Variants in NEGR1 observed in about 807,000 individuals in gnomAD.
The protein encoded by NEGR1 is neuronal growth regulator 1, also known as IgLON family member 4.
In NEGR1, 10 loss-of-function variants were observed where a neutral mutation model predicts 40.9. The observed-to-expected ratio is 0.24, with a 90% CI of 0.15 to 0.42. NEGR1 has a LOEUF of 0.42. Among genes scored for constraint, NEGR1 ranks in the 10% least tolerant of loss-of-function variants. NEGR1 has a pLI of 1.00. For missense variants in NEGR1, 352 were observed against 438.9 expected (o/e 0.80, Z 1.77); for synonymous variants, 185 against 166.8 (o/e 1.11, Z -0.84).
intron 1 of NEGR1, among the ~76,000 whole-genome samples, chr1:72,037,039 T>C (rs1194777864): frequency 6.6e-6 from 1 of 152,138 alleles, no homozygotes; most frequent in African/African-American, 2.4e-5. Context: ...ACAAAGTTAA[T>C]AATTGTACTT....
chr1:71,469,394 T>G (rs571030988), intron 6 of NEGR1, among the ~76,000 whole-genome samples: 18 of 152,072 alleles, frequency 1.2e-4, no homozygotes, highest in Non-Finnish European at 2.2e-4. Context: ...AAAACATAAT[T>G]TGCTCTGTAA....
chr1:72,123,186 A>C (rs990242431), intron 1 of NEGR1, among the ~76,000 whole-genome samples: 1 of 151,932 alleles, frequency 6.6e-6, no homozygotes, highest in Non-Finnish European at 1.5e-5. Context: ...ATTTTCATGC[A>C]TATTTGGCTA....
chr1:71,444,110 C>T (rs1231156232), intron 6 of NEGR1, among the ~76,000 whole-genome samples: 1 of 152,130 alleles, frequency 6.6e-6, no homozygotes, highest in Non-Finnish European at 1.5e-5. Context: ...CATAGAGTAA[C>T]ATCTTTTTCT....
At chr1:71,748,789 G>C (rs898953242) in intron 3 of NEGR1, among the ~76,000 whole-genome samples, 1 of 151,976 alleles carries the variant, frequency 6.6e-6, no homozygotes, top group Non-Finnish European at 1.5e-5. Flanking sequence ...ATGAAAAAAT[G>C]GACAGTGTTT....
intron 1 of NEGR1, among the ~76,000 whole-genome samples, chr1:71,956,933 C>T (rs1646124399): frequency 6.6e-6 from 1 of 152,066 alleles, no homozygotes; most frequent in Admixed American, 6.6e-5. Flanking sequence ...AAACTACTTC[C>T]CTGGGATGTT....
chr1:71,694,027 TC>T (rs1653387453), intron 4 of NEGR1, among the ~76,000 whole-genome samples: 1 of 151,702 alleles, frequency 6.6e-6, no homozygotes, highest in African/African-American at 2.4e-5. Context: ...TTTTCCTGCG[TC>T]CTGTTTTTTT....
chr1:71,941,909 A>C (rs1405097411), intron 1 of NEGR1, among the ~76,000 whole-genome samples: 1 of 152,078 alleles, frequency 6.6e-6, no homozygotes, highest in African/African-American at 2.4e-5. Flanking sequence ...TTAGTTAAGT[A>C]ACTAACAGAT....
intron 1 of NEGR1, among the ~76,000 whole-genome samples, chr1:72,020,281 G>A (rs948319080): frequency 6.6e-6 from 1 of 152,132 alleles, no homozygotes; most frequent in African/African-American, 2.4e-5. Flanking sequence ...CTTATCTGGA[G>A]CACACTAGTT....
rs1199004586 is a variant in NEGR1 at position 71,587,424 on chromosome 1, C to T, written c.940+5393G>A. Among the ~76,000 whole-genome samples the T allele has an allele frequency of 2.0e-5, 3 of 149,472 alleles. No individual in the cohort carries two copies. In the South Asian group the frequency reaches 6.5e-4, roughly 33 times the overall value. On this transcript the variant is annotated intron_variant, in intron 6 of 6. Transcript: ENST00000357731. ...ATCTGAAAAGAAAAGAAGCCCATCA[C>T]ATTAAACAGGCTGGGAAGAAATTTT...
At chr1:71,451,298 CCAGTGCAA>C (rs1646626089) in intron 6 of NEGR1, among the ~76,000 whole-genome samples, 1 of 151,486 alleles carries the variant, frequency 6.6e-6, no homozygotes, top group African/African-American at 2.4e-5. Flanking sequence ...CAGGAAAGAA[CCAGTGCAA>C]CTGAGAGGCA....
intron 6 of NEGR1, among the ~76,000 whole-genome samples, chr1:71,548,740 G>A (rs1204284242): frequency 6.6e-6 from 1 of 151,664 alleles, no homozygotes; most frequent in Admixed American, 6.6e-5. Context: ...ATATAAAGGA[G>A]CACTGAGAAG....
At chr1:72,182,878 A>G (rs1308507659) in intron 1 of NEGR1, among the ~76,000 whole-genome samples, 1 of 151,840 alleles carries the variant, frequency 6.6e-6, no homozygotes, top group Non-Finnish European at 1.5e-5. Context: ...TTTGCTTTTT[A>G]GCAAGTTCTA....
intron 2 of NEGR1, among the ~76,000 whole-genome samples, chr1:71,860,496 T>G (rs943046216): frequency 6.6e-6 from 1 of 152,034 alleles, no homozygotes; most frequent in Non-Finnish European, 1.5e-5. Context: ...AAAATTATTG[T>G]GTGTTTCATT....
At chr1:71,969,021 GT>G (rs570317501) in intron 1 of NEGR1, among the ~76,000 whole-genome samples, 9 of 146,878 alleles carry the variant, frequency 6.1e-5, no homozygotes, top group African/African-American at 1.2e-4. Flanking sequence ...TTTTGTTTTT[GT>G]TTTTTTTTTG....
intron 1 of NEGR1, among the ~76,000 whole-genome samples, chr1:72,271,689 T>C (rs1557607974): frequency 6.6e-6 from 1 of 151,916 alleles, no homozygotes; most frequent in Non-Finnish European, 1.5e-5. Context: ...GTTATATGGT[T>C]TGGCTGTGCA....
intron 6 of NEGR1, among the ~76,000 whole-genome samples, chr1:71,519,614 G>T (rs2101427560): frequency 8.2e-6 from 1 of 121,318 alleles, no homozygotes; most frequent in East Asian, 2.4e-4. Context: ...AGCATTGGGA[G>T]ATATACCTAA....
intron 4 of NEGR1, among the ~76,000 whole-genome samples, chr1:71,627,803 C>G (rs888225860): frequency 1.3e-5 from 2 of 151,936 alleles, no homozygotes; most frequent in Non-Finnish European, 2.9e-5. Context: ...TATGGGTCTG[C>G]CTTGAAGAGA....
At chr1:71,437,247 T>C (rs937610145) in intron 6 of NEGR1, among the ~76,000 whole-genome samples, 7 of 152,072 alleles carry the variant, frequency 4.6e-5, no homozygotes, top group Non-Finnish European at 1.0e-4. Context: ...AGATTAGTAG[T>C]TGCTTAGGAA....
rs1415735286 is a variant in NEGR1, at chr1:71,401,399, G to A, written c.*6047C>T. On this transcript the variant is annotated 3_prime_UTR_variant, in exon 7 of 7. Coordinates refer to ENST00000357731, the MANE Select transcript of NEGR1 (RefSeq NM_173808.3). ...ATGTCTTATCAGGTCCTTCATTAATGAATTAATTTATTCATTTCATAAGTG... is the reference window on the plus strand; with the variant it reads ...ATGTCTTATCAGGTCCTTCATTAATAAATTAATTTATTCATTTCATAAGTG... 1 of 152,044 alleles carries A rather than the reference G, an allele frequency of 6.6e-6. No homozygotes were observed. Among genetic ancestry groups the A allele is most frequent in the African/African-American group, 2.4e-5 (1 of 41,394 alleles). 9.4% of individuals were successfully genotyped at this position (152,044 alleles called of 1,614,324 possible).
Sources: gnomAD v4.1 joint callset for allele counts (sites outside exome capture counted in the v4.1 genomes callset) on GRCh38, gnomAD v4.1.1 for gene constraint, MANE v1.5 for transcripts, NCBI Gene and HGNC (gene_info 2026-07-23, HGNC 2026-07-21) for gene names.